Variants in MTUS2 observed in about 807,000 individuals in gnomAD.
The protein encoded by MTUS2 is microtubule-associated tumor suppressor candidate 2.
A neutral mutation model predicts 114.1 loss-of-function variants in MTUS2; 40 were observed. That is an observed-to-expected ratio of 0.35 (90% CI 0.27 to 0.46). MTUS2 has a LOEUF of 0.46. Ranked by LOEUF, MTUS2 falls within the 20% of genes least tolerant of loss-of-function variation. MTUS2 has a pLI of 1.00. For synonymous variants in MTUS2, 688 were observed against 672.0 expected (o/e 1.02, Z -0.37); for missense variants, 1,679 against 1,705.4 (o/e 0.98, Z 0.27).
chr13:29,476,239 A>G lies in MTUS2; in HGVS notation c.3185-3911A>G, dbSNP rs959230176. On this transcript the variant is annotated intron_variant, in intron 9 of 15. Coordinates refer to ENST00000612955, the MANE Select transcript of MTUS2 (RefSeq NM_001033602.4). Reference sequence around the variant, plus strand: ...GCCTACACTCCATGATGTTTGCACAATGATGAAATTTCCTAATAAAGCATT... The same window carrying G: ...GCCTACACTCCATGATGTTTGCACAGTGATGAAATTTCCTAATAAAGCATT... Among the ~76,000 whole-genome samples the G allele has an allele frequency of 1.9e-4, 29 of 152,216 alleles. 1 individual carries two copies. Among genetic ancestry groups the G allele is most frequent in the Admixed American group, 7.2e-4 (11 of 15,284 alleles).
intron 2 of MTUS2, among the ~76,000 whole-genome samples, chr13:28,903,960 G>A (rs748237555): frequency 2.0e-5 from 3 of 152,284 alleles, no homozygotes; most frequent in Admixed American, 6.5e-5. Context: ...CATTCTAACT[G>A]GTGTGAGATG....
At chr13:29,451,867 G>T (rs1280410494) in intron 9 of MTUS2, among the ~76,000 whole-genome samples, 1 of 152,102 alleles carries the variant, frequency 6.6e-6, no homozygotes, top group Non-Finnish European at 1.5e-5. Context: ...GGGATTATAG[G>T]CATGAGCCTC....
chr13:29,173,013 A>AGTAT (rs1323665537), intron 5 of MTUS2, among the ~76,000 whole-genome samples: 1 of 152,096 alleles, frequency 6.6e-6, no homozygotes, highest in African/African-American at 2.4e-5. Flanking sequence ...TCGTGTACCT[A>AGTAT]GTATGTGCCA....
At chr13:29,213,239 C>G (rs143559628) in intron 5 of MTUS2, among the ~76,000 whole-genome samples, 1 of 138,422 alleles carries the variant, frequency 7.2e-6, no homozygotes, top group South Asian at 2.5e-4. Context: ...TTAAATTTAT[C>G]GAGCCTTGTT....
chr13:29,298,733 T>C (rs1899058679), intron 6 of MTUS2, among the ~76,000 whole-genome samples: 1 of 152,260 alleles, frequency 6.6e-6, no homozygotes, highest in South Asian at 2.1e-4. Flanking sequence ...ATTCTTACTG[T>C]AGCATATGAT....
chr13:29,134,064 C>G (rs1241347012), intron 5 of MTUS2, among the ~76,000 whole-genome samples: 1 of 152,136 alleles, frequency 6.6e-6, no homozygotes, highest in African/African-American at 2.4e-5. Context: ...TGTTTATTCC[C>G]TAAGTCTTGT....
At chr13:29,470,867 TC>T (rs1452643723) in intron 9 of MTUS2, among the ~76,000 whole-genome samples, 1 of 152,174 alleles carries the variant, frequency 6.6e-6, no homozygotes. Context: ...TAACTGGGAC[TC>T]CCTTTCCCCA....
intron 2 of MTUS2, among the ~76,000 whole-genome samples, chr13:28,949,984 C>A (rs1269391859): frequency 6.6e-6 from 1 of 152,236 alleles, no homozygotes; most frequent in Non-Finnish European, 1.5e-5. Context: ...AGGGGAATTT[C>A]TGGATCATGC....
At chr13:29,201,623 T>C (rs1894963077) in intron 5 of MTUS2, among the ~76,000 whole-genome samples, 3 of 152,212 alleles carry the variant, frequency 2.0e-5, no homozygotes, top group Non-Finnish European at 1.5e-5. Context: ...ATTTGGTATG[T>C]TTTTGCTGTA....
intron 2 of MTUS2, among the ~76,000 whole-genome samples, chr13:28,887,439 C>T (rs1224056362): frequency 6.6e-6 from 1 of 152,184 alleles, no homozygotes; most frequent in African/African-American, 2.4e-5. Context: ...AGCCCTCATG[C>T]TGGGCACAGC....
chr13:28,944,837 A>G (rs1382573926), intron 2 of MTUS2, among the ~76,000 whole-genome samples: 3 of 152,136 alleles, frequency 2.0e-5, no homozygotes, highest in Non-Finnish European at 4.4e-5. Context: ...TCTTATAACA[A>G]ATTTGTATTA....
chr13:29,118,582 A>T (rs1891182937), intron 5 of MTUS2, among the ~76,000 whole-genome samples: 1 of 152,156 alleles, frequency 6.6e-6, no homozygotes, highest in South Asian at 2.1e-4. Context: ...TGGGAAGCTG[A>T]GTTCAGCTGC....
chr13:29,345,370 T>C (rs1221329074), intron 7 of MTUS2, among the ~76,000 whole-genome samples: 1 of 151,990 alleles, frequency 6.6e-6, no homozygotes, highest in Non-Finnish European at 1.5e-5. Flanking sequence ...TCTTTTTTCT[T>C]TGTCTTTGTT....
Position 29,503,006 on chromosome 13 carries a change from G to A in MTUS2, c.3910G>A (p.Glu1304Lys). Residue 1304 changes from glutamate (E) to lysine (K), a missense_variant, in exon 16 of 16, where the codon GAA becomes AAA. Physicochemically the swap from Glu to Lys is moderately conservative, Grantham distance 56. This residue lies in a region of MTUS2 where 822 missense variants were observed against 899.7 expected (regional missense o/e 0.91). Coordinates refer to ENST00000612955, the MANE Select transcript of MTUS2 (RefSeq NM_001033602.4). ...GTGCCCATGCAGACAGCTGTCGGAGGAAAATGCTAACCTCCAGGAATATGT... is the reference window on the plus strand; with the variant it reads ...GTGCCCATGCAGACAGCTGTCGGAGAAAAATGCTAACCTCCAGGAATATGT... ...NTVVTRQLSE[E>K]NANLQEYVEK... 1 of 1,614,182 alleles carries A rather than the reference G, an allele frequency of 6.2e-7. No homozygotes were observed. The highest frequency in any genetic ancestry group is 8.5e-7 in the Non-Finnish European group (1 of 1,180,012).
chr13:29,275,434 C>A (rs73168231), intron 5 of MTUS2, among the ~76,000 whole-genome samples: 9 of 152,130 alleles, frequency 5.9e-5, no homozygotes, highest in Admixed American at 5.2e-4. Context: ...TAATTATAGT[C>A]ACCCTGTTAT....
chr13:29,246,367 T>A (rs1896926435), intron 5 of MTUS2, among the ~76,000 whole-genome samples: 2 of 152,204 alleles, frequency 1.3e-5, no homozygotes, highest in South Asian at 4.2e-4. Context: ...CTTAGGATAG[T>A]CCCCAGAAGC....
At chr13:29,227,284 C>T (rs1030157345) in intron 5 of MTUS2, among the ~76,000 whole-genome samples, 10 of 146,758 alleles carry the variant, frequency 6.8e-5, no homozygotes, top group African/African-American at 1.8e-4. Flanking sequence ...AAAGAAACTG[C>T]GTAGAGGCAG....
intron 5 of MTUS2, among the ~76,000 whole-genome samples, chr13:29,174,218 C>T (rs897072949): frequency 1.3e-5 from 2 of 152,070 alleles, no homozygotes; most frequent in African/African-American, 4.8e-5. Flanking sequence ...ATTTATTTTG[C>T]GTAAGGTGGC....
intron 5 of MTUS2, among the ~76,000 whole-genome samples, chr13:29,184,402 G>A (rs1894134806): frequency 6.6e-6 from 1 of 152,052 alleles, no homozygotes; most frequent in South Asian, 2.1e-4. Context: ...GAAATCTAAA[G>A]ACCATGCTTC....
Sources: gnomAD v4.1 joint callset for allele counts (sites outside exome capture counted in the v4.1 genomes callset) on GRCh38, gnomAD v4.1.1 for gene constraint, gnomAD v4.1.1 regional missense constraint, MANE v1.5 for transcripts, NCBI Gene and HGNC (gene_info 2026-07-23, HGNC 2026-07-21) for gene names.